ZNF676: variants seen among roughly 807,000 people sequenced by gnomAD.
ZNF676 encodes zinc finger protein 676.
A neutral mutation model predicts 6.0 loss-of-function variants in ZNF676; 4 were observed. The observed-to-expected ratio is 0.67, with a 90% CI of 0.33 to 1.53. The LOEUF is 1.53. Ranked by LOEUF, ZNF676 falls within the 40% of genes most tolerant of loss-of-function variation. ZNF676 has a pLI of 0.06. For missense variants in ZNF676, 644 were observed against 679.7 expected (o/e 0.95, Z 0.58); for synonymous variants, 198 against 223.1 (o/e 0.89, Z 1.00).
chr19:22,242,773 G>T, the ZNF676 span, among the ~76,000 whole-genome samples: 1 of 151,678 alleles, frequency 6.6e-6, no homozygotes, highest in Non-Finnish European at 1.5e-5. Flanking sequence ...TTCTGTGTAA[G>T]GCTCAGGAAT....
At chr19:22,182,029 A>G (rs565438553) in intron 2 of ZNF676, among the ~76,000 whole-genome samples, 1 of 152,170 alleles carries the variant, frequency 6.6e-6, no homozygotes, top group South Asian at 2.1e-4. Flanking sequence ...CTCATGACAT[A>G]AAGTGCTGAA....
chr19:22,242,830 C>T, the ZNF676 span, among the ~76,000 whole-genome samples: 1 of 145,066 alleles, frequency 6.9e-6, no homozygotes, highest in Non-Finnish European at 1.5e-5. Context: ...TTATATGTTG[C>T]AATTACCCAA....
chr19:22,187,646 G>A (rs567711318), intron 2 of ZNF676, among the ~76,000 whole-genome samples: 90 of 150,982 alleles, frequency 6.0e-4, no homozygotes, highest in Non-Finnish European at 8.3e-4. Flanking sequence ...GAAGAAAGGA[G>A]AGAAGAATCA....
At chr19:22,190,646 T>TATATATATATAC (rs1263503493) in intron 2 of ZNF676, among the ~76,000 whole-genome samples, 1 of 128,778 alleles carries the variant, frequency 7.8e-6, no homozygotes, top group African/African-American at 3.7e-5. Flanking sequence ...TATATATATA[T>TATATATATATAC]ATATATATAT....
At chr19:22,254,420 A>T in the ZNF676 span, among the ~76,000 whole-genome samples, 5 of 152,280 alleles carry the variant, frequency 3.3e-5, no homozygotes, top group African/African-American at 1.2e-4. Context: ...AAGGCCCCTC[A>T]TGGGCAGGGC....
chr19:22,181,558 A>G lies in ZNF676; in HGVS notation c.159T>C (p.Phe53=). Residue 53 remains phenylalanine, a synonymous_variant, in exon 3 of 3, where the codon TTT becomes TTC. Coordinates refer to ENST00000397121, the MANE Select transcript of ZNF676 (RefSeq NM_001001411.3). ...AATCTTCTATGCCTTGCTCTGGCCA[A>G]AACTCTTGGGAAAAATGAGAACATA... ...PVICSHFSQE[F]WPEQGIEDSF... 2 of 1,580,590 alleles carry G rather than the reference A, an allele frequency of 1.3e-6. No individual in the cohort carries two copies. The highest frequency in any genetic ancestry group is 1.7e-4 in the Middle Eastern group (1 of 5,850).
chr19:22,210,830 T>G (rs908787916), intron 1 of ZNF676, among the ~76,000 whole-genome samples: 5 of 152,170 alleles, frequency 3.3e-5, no homozygotes, highest in Non-Finnish European at 7.4e-5. Context: ...TGAGCTACTC[T>G]CAGTCCGAGC....
chr19:22,249,057 T>C, the ZNF676 span, among the ~76,000 whole-genome samples: 1 of 152,162 alleles, frequency 6.6e-6, no homozygotes, highest in African/African-American at 2.4e-5. Flanking sequence ...ATGAAAGAGT[T>C]CTGATTAATT....
At chr19:22,209,886 C>T (rs2024113040) in intron 1 of ZNF676, among the ~76,000 whole-genome samples, 1 of 151,812 alleles carries the variant, frequency 6.6e-6, no homozygotes, top group African/African-American at 2.4e-5. Context: ...AGGTTTTTGG[C>T]CAAAAAAACC....
At chr19:22,202,447 C>A (rs2024035335) in intron 1 of ZNF676, among the ~76,000 whole-genome samples, 1 of 152,104 alleles carries the variant, frequency 6.6e-6, no homozygotes, top group Non-Finnish European at 1.5e-5. Context: ...TGTGAATGGA[C>A]TGGAAGCCTG....
At chr19:22,184,427 A>G (rs1011980328) in intron 2 of ZNF676, among the ~76,000 whole-genome samples, 1 of 152,148 alleles carries the variant, frequency 6.6e-6, no homozygotes, top group African/African-American at 2.4e-5. Flanking sequence ...CAAAACTGGG[A>G]GGCCGTTTGG....
the ZNF676 span, among the ~76,000 whole-genome samples, chr19:22,255,277 G>A: frequency 6.6e-6 from 1 of 152,106 alleles, no homozygotes; most frequent in African/African-American, 2.4e-5. Flanking sequence ...AATTGGCTGG[G>A]TTCATGTGGG....
chr19:22,235,708 TA>T, the ZNF676 span, among the ~76,000 whole-genome samples: 1 of 152,204 alleles, frequency 6.6e-6, no homozygotes, highest in Non-Finnish European at 1.5e-5. Flanking sequence ...ACAACTGTGA[TA>T]TTTGCAAAAG....
chr19:22,226,090 A>AT, the ZNF676 span, among the ~76,000 whole-genome samples: 1 of 151,848 alleles, frequency 6.6e-6, no homozygotes, highest in African/African-American at 2.4e-5. Context: ...TTTTATATAA[A>AT]TTTTTTTGTC....
chr19:22,180,615 C>T lies in ZNF676; in HGVS notation c.1102G>A (p.Glu368Lys), dbSNP rs764780050. 13 of 1,612,560 alleles carry T rather than the reference C, an allele frequency of 8.1e-6. No homozygotes were observed. Among genetic ancestry groups the T allele is most frequent in the South Asian group, 4.4e-5 (4 of 90,950 alleles). Residue 368 changes from glutamate (E) to lysine (K), a missense_variant, in exon 3 of 3, where the codon GAA becomes AAA. Physicochemically the swap from Glu to Lys is moderately conservative, Grantham distance 56. Transcript: ENST00000397121. ...TTACTAAAGGCTTTGCCACATCCTT[C>T]ACATTTGTAGGGTTTCTCTCCAGTA... ...IHTGEKPYKC[E>K]GCGKAFSKVS...
At chr19:22,215,524 A>C in intron 1 of ZNF676, 1 of 1,335,774 alleles carries the variant, frequency 7.5e-7, no homozygotes, top group East Asian at 2.4e-5. Context: ...AGGCAAGGAG[A>C]ACTTGTGGAG....
chr19:22,188,062 A>C (rs1448700213), intron 2 of ZNF676, among the ~76,000 whole-genome samples: 1 of 152,152 alleles, frequency 6.6e-6, no homozygotes, highest in African/African-American at 2.4e-5. Context: ...ACAACAAAAA[A>C]AGAAAATTTC....
the ZNF676 span, among the ~76,000 whole-genome samples, chr19:22,240,454 C>T: frequency 6.6e-6 from 1 of 151,904 alleles, no homozygotes; most frequent in Non-Finnish European, 1.5e-5. Context: ...ACTCACATCA[C>T]CTTTGTGCTG....
At chr19:22,183,024 G>A (rs981926088) in intron 2 of ZNF676, among the ~76,000 whole-genome samples, 26 of 151,910 alleles carry the variant, frequency 1.7e-4, no homozygotes, top group Non-Finnish European at 1.2e-4. Flanking sequence ...ATAATAAGGA[G>A]GACTTTTTTA....
Sources: allele counts gnomAD v4.1 joint callset (sites outside exome capture counted in the v4.1 genomes callset), GRCh38; gene constraint gnomAD v4.1.1; transcripts MANE v1.5; gene names NCBI Gene and HGNC (gene_info 2026-07-23, HGNC 2026-07-21).